Variants in ZNF106 observed in about 807,000 individuals in gnomAD.
ZNF106 encodes SH3-domain binding protein 3.
ZNF106 carries 67 observed loss-of-function variants against 195.1 expected under a neutral mutation model. That is an observed-to-expected ratio of 0.34 (90% CI 0.28 to 0.42). The LOEUF (loss-of-function observed/expected upper bound fraction) is 0.42. ZNF106 is among the 10% of genes least tolerant of loss of function. The pLI, the probability that ZNF106 is intolerant of heterozygous loss-of-function variation, is 1.00. For synonymous variants in ZNF106, 784 were observed against 818.6 expected (o/e 0.96, Z 0.72); for missense variants, 2,118 against 2,304.5 (o/e 0.92, Z 1.66).
intron 1 of ZNF106, among the ~76,000 whole-genome samples, chr15:42,485,320 T>C (rs1792191619): frequency 1.3e-5 from 2 of 152,256 alleles, no homozygotes; most frequent in South Asian, 4.2e-4. Flanking sequence ...GTAATACATA[T>C]GTTAATTAGT....
In ZNF106 at chr15:42,428,063, G is replaced by C. The variant is rs1384808153; in HGVS notation, c.4953C>G (p.Leu1651=). 1.2e-6 allele frequency: 2 copies of C among 1,614,158 alleles called. No homozygotes were observed. Among genetic ancestry groups the C allele is most frequent in the Admixed American group, 3.3e-5 (2 of 60,026 alleles). The part of the protein sequence containing the change: ...VLCLHSRWRI[L]YAGLANGTVV... Reference sequence around the variant, plus strand: ...CAGTGCCATTTGCCAGTCCCGCATAGAGGATTCGCCATCTACTGTGGAGGC... The same window carrying C: ...CAGTGCCATTTGCCAGTCCCGCATACAGGATTCGCCATCTACTGTGGAGGC... Residue 1651 remains leucine (L), a synonymous_variant, in exon 15 of 22, where the codon CTC becomes CTG. Transcript: ENST00000564754.
intron 1 of ZNF106, among the ~76,000 whole-genome samples, chr15:42,487,095 A>C (rs1411218166): frequency 6.6e-6 from 1 of 152,142 alleles, no homozygotes; most frequent in African/African-American, 2.4e-5. Context: ...GGTTGCAGTG[A>C]GCAGAGATCG....
chr15:42,444,940 C>T lies in ZNF106; in HGVS notation c.3247G>A (p.Glu1083Lys). 6.2e-7 allele frequency: 1 copy of T among 1,614,156 alleles called. No individual in the cohort carries two copies. The highest frequency in any genetic ancestry group is 8.5e-7 in the Non-Finnish European group (1 of 1,180,036). ...TGCAATGACTTACTAAGTTCTTCCT[C>T]CCTTAAAGAAATATTCAGCAGCTGG... The part of the protein sequence containing the change: ...VDQLLNISLR[E>K]EELSKSLQCM... Residue 1083 changes from glutamate (E) to lysine (K), a missense_variant, in exon 8 of 22, where the codon GAG becomes AAG. Coordinates refer to ENST00000564754, the MANE Select transcript of ZNF106 (RefSeq NM_001366845.3).
chr15:42,439,554 T>G lies in ZNF106; in HGVS notation c.4023A>C (p.Ser1341=). 6.2e-7 allele frequency: 1 copy of G among 1,614,222 alleles called. No individual in the cohort carries two copies. Among genetic ancestry groups the G allele is most frequent in the Non-Finnish European group, 8.5e-7 (1 of 1,180,048 alleles). The part of the protein sequence containing the change: ...TSSFLRLSFA[S]ETPLEKEPHS... ...GGGGTTCCTTCTCCAAAGGGGTTTC[T>G]GAAGCAAAAGACAATCTTAGAAAAG... Residue 1341 remains serine (S), a synonymous_variant, in exon 11 of 22, where the codon TCA becomes TCC. Coordinates refer to ENST00000564754, the MANE Select transcript of ZNF106 (RefSeq NM_001366845.3).
At chr15:42,428,849 C>T (rs1207989928) in intron 14 of ZNF106, among the ~76,000 whole-genome samples, 3 of 152,044 alleles carry the variant, frequency 2.0e-5, no homozygotes, top group Non-Finnish European at 4.4e-5. Context: ...CTGCAAGCTC[C>T]ACCTCCCCGG....
chr15:42,444,820 C>T lies in ZNF106; in HGVS notation c.3360+7G>A, dbSNP rs1282567113. On this transcript the variant is annotated splice_region_variant and intron_variant, in intron 8 of 21. Transcript: ENST00000564754. ...CCATTTTTATTAAATCCTCCACATG[C>T]TGTTACCTGCTGCTTGAGCATAAGT... 6.2e-7 allele frequency: 1 copy of T among 1,613,182 alleles called. No individual in the cohort carries two copies. Among genetic ancestry groups the T allele is most frequent in the Middle Eastern group, 1.7e-4 (1 of 6,050 alleles).
rs2055843175 is a variant in ZNF106, at chr15:42,448,244, G to A, written c.2963C>T (p.Ser988Leu). The change falls in exon 6 of 22, where the codon TCA becomes TTA. Residue 988 changes from serine to leucine, a missense_variant. Physicochemically the swap from Ser to Leu is moderately radical, Grantham distance 145. Coordinates refer to ENST00000564754, the MANE Select transcript of ZNF106 (RefSeq NM_001366845.3). The part of the protein sequence containing the change: ...LNSQERSIPP[S>L]ENQNSQESNG... Reference sequence around the variant, plus strand: ...ACTCTCCTGGGAATTCTGATTCTCTGACGGTGGTATAGACCTCTCCTGGCT... The same window carrying A: ...ACTCTCCTGGGAATTCTGATTCTCTAACGGTGGTATAGACCTCTCCTGGCT... 6.2e-7 allele frequency: 1 copy of A among 1,614,176 alleles called. No individual in the cohort carries two copies. The highest frequency in any genetic ancestry group is 8.5e-7 in the Non-Finnish European group (1 of 1,180,028).
At chr15:42,470,580 GC>G (rs1252117609) in intron 2 of ZNF106, among the ~76,000 whole-genome samples, 1 of 152,030 alleles carries the variant, frequency 6.6e-6, no homozygotes, top group Admixed American at 6.6e-5. Flanking sequence ...GATAATTCCA[GC>G]CCTTCATTTA....
Position 42,448,071 on chromosome 15 carries a change from C to T in ZNF106, c.3135+1G>A. The stretch of plus-strand genomic sequence containing the variant: ...CAAAAAGCAGAGGGAATTATACTCA[C>T]TCCAGTGGCTCTTCGTTTCTTTCTA... On this transcript the variant is annotated splice_donor_variant, in intron 6 of 21. Coordinates refer to ENST00000564754, the MANE Select transcript of ZNF106 (RefSeq NM_001366845.3). LOFTEE classifies it high-confidence loss of function. 1 of 1,609,102 alleles carries T rather than the reference C, an allele frequency of 6.2e-7. No homozygotes were observed. Among genetic ancestry groups the T allele is most frequent in the African/African-American group, 1.3e-5 (1 of 74,818 alleles).
At chr15:42,427,473 A>T (rs1187269149) in intron 15 of ZNF106, 2 of 152,848 alleles carry the variant, frequency 1.3e-5, no homozygotes, top group Admixed American at 1.3e-4. Flanking sequence ...TATGGGCATT[A>T]CAGCAAACCT....
In ZNF106 at chr15:42,415,494, T is replaced by C. The variant is rs928214398; in HGVS notation, c.*1810A>G. 1 of 455,342 alleles carries C rather than the reference T, an allele frequency of 2.2e-6. No homozygotes were observed. The highest frequency in any genetic ancestry group is 2.0e-5 in the African/African-American group (1 of 50,002). 28.2% of individuals were successfully genotyped at this position (455,342 alleles called of 1,614,324 possible). On this transcript the variant is annotated 3_prime_UTR_variant, in exon 22 of 22. Coordinates refer to ENST00000564754, the MANE Select transcript of ZNF106 (RefSeq NM_001366845.3). ...AGCCTTTCCTGGAAAAAAGAACACA[T>C]ACTCAGTCTCACACACAATTTCTGG... is the stretch of plus-strand genomic sequence containing the variant.
intron 20 of ZNF106, among the ~76,000 whole-genome samples, chr15:42,419,503 C>A (rs551086551): frequency 1.5e-4 from 23 of 151,570 alleles, no homozygotes; most frequent in African/African-American, 5.3e-4. Context: ...GTGACCACAC[C>A]GCTGCACTCC....
chr15:42,489,220 G>A lies in ZNF106; in HGVS notation c.-33+1760C>T, dbSNP rs570555287. Among the ~76,000 whole-genome samples, 22 of 147,236 alleles carry A rather than the reference G, an allele frequency of 1.5e-4. No individual in the cohort carries two copies. The East Asian group carries it at 1.8e-3, about 12-fold the overall frequency. On this transcript the variant is annotated intron_variant, in intron 1 of 21. Coordinates refer to ENST00000564754, the MANE Select transcript of ZNF106 (RefSeq NM_001366845.3). Reference sequence around the variant, plus strand: ...TTTTTTTTTTTTGAGATGGAGTTTCGTTTTTGGAGTACAATGGCACAATCC... The same window carrying A: ...TTTTTTTTTTTTGAGATGGAGTTTCATTTTTGGAGTACAATGGCACAATCC...
In ZNF106 at chr15:42,416,800, G is replaced by T. The variant is rs1295575979; in HGVS notation, c.*504C>A. 6.6e-6 allele frequency: 1 copy of T among 152,522 alleles called. No homozygotes were observed. The highest frequency in any genetic ancestry group is 1.5e-5 in the Non-Finnish European group (1 of 68,298). 9.4% of individuals were successfully genotyped at this position (152,522 alleles called of 1,614,324 possible). On this transcript the variant is annotated 3_prime_UTR_variant, in exon 22 of 22. Coordinates refer to ENST00000564754, the MANE Select transcript of ZNF106 (RefSeq NM_001366845.3). ...CACACTGCACATAATTGTTAAGAAA[G>T]AAAACTATTTGCTTCCAGTTTAAAT... is the stretch of plus-strand genomic sequence containing the variant.
At position 42,421,997 on chromosome 15, in the gene ZNF106, GAA is replaced by G. The variant is rs542359029; in HGVS notation, c.5374-11_5374-10del. 85 of 1,257,258 alleles carry G rather than the reference GAA, an allele frequency of 6.8e-5. No homozygotes were observed. The highest frequency in any genetic ancestry group is 1.4e-4 in the Admixed American group (6 of 43,558). 77.9% of individuals were successfully genotyped at this position (1,257,258 alleles called of 1,614,324 possible). On this transcript the variant is annotated splice_polypyrimidine_tract_variant and intron_variant, in intron 18 of 21. Coordinates refer to ENST00000564754, the MANE Select transcript of ZNF106 (RefSeq NM_001366845.3). ...TGTAATCGATCATGAGACTTAGGCA[GAA>G]AAAAAAAAAGAGAATTGAAGTTATT...
chr15:42,417,220 A>C lies in ZNF106; in HGVS notation c.*84T>G. On this transcript the variant is annotated 3_prime_UTR_variant, in exon 22 of 22. Coordinates refer to ENST00000564754, the MANE Select transcript of ZNF106 (RefSeq NM_001366845.3). ...CACTTTCTCCTTCCTTACTTCACCAAGAAAGGGAAGAGAGTGGCCTGTGTG... is the reference window on the plus strand; with the variant it reads ...CACTTTCTCCTTCCTTACTTCACCACGAAAGGGAAGAGAGTGGCCTGTGTG... 1 of 1,482,716 alleles carries C rather than the reference A, an allele frequency of 6.7e-7. No homozygotes were observed. The highest frequency in any genetic ancestry group is 9.4e-7 in the Non-Finnish European group (1 of 1,066,622). 91.8% of individuals were successfully genotyped at this position (1,482,716 alleles called of 1,614,324 possible). A position where few individuals can be genotyped will look rare whatever the true frequency, so the allele number is the denominator to read the frequency against.
chr15:42,472,404 C>CT, intron 1 of ZNF106, 83 bp from the exon 2 acceptor site: 1 of 995,930 alleles, frequency 1.0e-6, no homozygotes, highest in Non-Finnish European at 1.5e-6. Context: ...AATTACAAGT[C>CT]TTATCTTCCT....
In ZNF106 at chr15:42,456,939, T is replaced by A. The variant is rs528801730; in HGVS notation, c.317+19A>T. 196 of 1,605,420 alleles carry A rather than the reference T, an allele frequency of 1.2e-4. No individual in the cohort carries two copies. Among genetic ancestry groups the A allele is most frequent in the African/African-American group, 3.0e-4 (22 of 74,486 alleles). On this transcript the variant is annotated intron_variant, in intron 4 of 21. Transcript: ENST00000564754. ...TGTTCTGTTATAGATAGGCTTTTTT[T>A]AAAAAATCAATTACTTACCGACTTT...
In ZNF106 at chr15:42,451,886, T is replaced by C. The variant is rs1341133803; in HGVS notation, c.386A>G (p.Glu129Gly). The C allele has an allele frequency of 6.2e-7, 1 of 1,614,084 alleles. No homozygotes were observed. The highest frequency in any genetic ancestry group is 8.5e-7 in the Non-Finnish European group (1 of 1,180,042). ...SDDRRPQWRR[E>G]DRIPYQDRES... ...TCTGTCTTGGTAAGGAATTCGGTCTTCTCGTCTCCATTGGGGTCGTCTGTC... is the reference window on the plus strand; with the variant it reads ...TCTGTCTTGGTAAGGAATTCGGTCTCCTCGTCTCCATTGGGGTCGTCTGTC... Residue 129 changes from glutamate to glycine, a missense_variant, in exon 5 of 22, where the codon GAA (glutamate) becomes GGA (glycine). Coordinates refer to ENST00000564754, the MANE Select transcript of ZNF106 (RefSeq NM_001366845.3).
Sources: gnomAD v4.1 joint callset for allele counts (sites outside exome capture counted in the v4.1 genomes callset) on GRCh38, gnomAD v4.1.1 for gene constraint, MANE v1.5 for transcripts, NCBI Gene and HGNC (gene_info 2026-07-23, HGNC 2026-07-21) for gene names.